RNF169: variants seen among roughly 807,000 people sequenced by gnomAD.
RNF169 encodes the protein ring finger protein 169.
RNF169 carries 24 observed loss-of-function variants against 53.9 expected under a neutral mutation model. The ratio of observed to expected loss-of-function variants is 0.45; its 90% CI spans 0.32 to 0.63. RNF169 has a LOEUF of 0.63. RNF169 is among the 20% of genes least tolerant of loss of function. RNF169 has a pLI of 0.04. For missense variants in RNF169, 883 were observed against 906.2 expected (o/e 0.97, Z 0.33); for synonymous variants, 396 against 363.5 (o/e 1.09, Z -1.02).
At chr11:74,752,992 A>G (rs2034923896) in intron 1 of RNF169, among the ~76,000 whole-genome samples, 1 of 152,098 alleles carries the variant, frequency 6.6e-6, no homozygotes, top group Non-Finnish European at 1.5e-5. Context: ...TTTTTGAGAC[A>G]GAGTCTTGCT....
At chr11:74,768,987 C>T (rs1205041735) in intron 1 of RNF169, among the ~76,000 whole-genome samples, 1 of 152,048 alleles carries the variant, frequency 6.6e-6, no homozygotes, top group African/African-American at 2.4e-5. Context: ...TTTCGGGCTG[C>T]AGTGAGTGCT....
chr11:74,756,675 A>C (rs1295390427), intron 1 of RNF169, among the ~76,000 whole-genome samples: 1 of 152,214 alleles, frequency 6.6e-6, no homozygotes, highest in Non-Finnish European at 1.5e-5. Context: ...ATTTAAAGGC[A>C]TAGGAACATG....
intron 1 of RNF169, among the ~76,000 whole-genome samples, chr11:74,756,815 A>G (rs1022341146): frequency 6.6e-6 from 1 of 152,120 alleles, no homozygotes; most frequent in Non-Finnish European, 1.5e-5. Flanking sequence ...GTGCCATGCT[A>G]AGGAATGAGG....
chr11:74,782,425 A>G (rs757720096), intron 1 of RNF169, among the ~76,000 whole-genome samples: 11 of 152,158 alleles, frequency 7.2e-5, no homozygotes, highest in African/African-American at 1.4e-4. Context: ...CATGAACCCT[A>G]TTGTGAACTG....
intron 1 of RNF169, among the ~76,000 whole-genome samples, chr11:74,754,711 C>T (rs2034953882): frequency 6.6e-6 from 1 of 152,082 alleles, no homozygotes; most frequent in South Asian, 2.1e-4. Flanking sequence ...GTCCCAGCTA[C>T]CGGGAGGCTG....
At chr11:74,789,512 C>CT in intron 1 of RNF169, 114 bp from the exon 2 acceptor site, 1 of 635,220 alleles carries the variant, frequency 1.6e-6, no homozygotes, top group South Asian at 2.1e-5. Context: ...AGCGTTTATT[C>CT]TGTTCTTAGC....
chr11:74,790,159 A>G (rs989947297), intron 2 of RNF169, among the ~76,000 whole-genome samples: 6 of 152,198 alleles, frequency 3.9e-5, no homozygotes, highest in Non-Finnish European at 7.4e-5. Context: ...TTAGAAAACA[A>G]TTACCATTGG....
Position 74,766,723 on chromosome 11 carries a change from G to T in RNF169, c.502+17341G>T, listed in dbSNP as rs116294368. Among the ~76,000 whole-genome samples, 1,347 of 152,178 alleles carry T rather than the reference G, an allele frequency of 8.9e-3. 26 individuals carry two copies. Among genetic ancestry groups the T allele is most frequent in the African/African-American group, 0.031 (1,271 of 41,498 alleles). On this transcript the variant is annotated intron_variant, in intron 1 of 5. Transcript: ENST00000299563. ...TGATCTGTGGTAGTTCATTATACTG[G>T]TTTCTCTAATAATATATTTGAAACT...
chr11:74,835,397 A>T (rs2036237697), intron 5 of RNF169, 149 bp from the exon 6 acceptor site: 9 of 626,694 alleles, frequency 1.4e-5, no homozygotes, highest in African/African-American at 1.3e-4. Flanking sequence ...TTTCTAAGTT[A>T]GGGATTTTCT....
At chr11:74,780,498 A>AG (rs1378859047) in intron 1 of RNF169, among the ~76,000 whole-genome samples, 1 of 152,222 alleles carries the variant, frequency 6.6e-6, no homozygotes, top group Non-Finnish European at 1.5e-5. Context: ...CACCTCCTCC[A>AG]GGAAGCCTTG....
intron 5 of RNF169, 132 bp downstream of exon 5, chr11:74,834,907 A>G (rs2036230678): frequency 6.8e-6 from 4 of 586,248 alleles, no homozygotes; most frequent in Admixed American, 6.6e-5. Flanking sequence ...ATATTGGAGA[A>G]GTCCACAAAC....
intron 1 of RNF169, among the ~76,000 whole-genome samples, chr11:74,786,842 C>T (rs2035510958): frequency 6.6e-6 from 1 of 152,160 alleles, no homozygotes; most frequent in African/African-American, 2.4e-5. Context: ...ATCAGGCTTA[C>T]TGTGTAAAAA....
At chr11:74,778,484 G>A (rs1228196014) in intron 1 of RNF169, among the ~76,000 whole-genome samples, 1 of 152,062 alleles carries the variant, frequency 6.6e-6, no homozygotes, top group Non-Finnish European at 1.5e-5. Flanking sequence ...ACTTAATCTG[G>A]TGATGTTGTG....
chr11:74,785,199 T>TG (rs1565176502), intron 1 of RNF169, among the ~76,000 whole-genome samples: 80 of 116,012 alleles, frequency 6.9e-4, no homozygotes, highest in African/African-American at 3.8e-3. Flanking sequence ...ATATATATGA[T>TG]ATATATATAT....
Position 74,772,727 on chromosome 11 carries a change from G to A in RNF169, c.503-16899G>A, listed in dbSNP as rs576352164. The stretch of plus-strand genomic sequence containing the variant: ...AGGTTTAAATAGGATAATCAATATT[G>A]TTTCATAGTGATATTTAAACAGTAA... On this transcript the variant is annotated intron_variant, in intron 1 of 5. Coordinates refer to ENST00000299563, the MANE Select transcript of RNF169 (RefSeq NM_001098638.2). Among the ~76,000 whole-genome samples the A allele has an allele frequency of 5.8e-4, 88 of 152,166 alleles. 2 individuals are homozygous for A. The highest frequency in any genetic ancestry group is 1.9e-3 in the African/African-American group (79 of 41,504).
chr11:74,813,023 A>C lies in RNF169; in HGVS notation c.723+2693A>C, dbSNP rs568767. 3.1e-3 allele frequency among the ~76,000 whole-genome samples: 476 copies of C among 152,336 alleles called. 13 individuals are homozygous for C. In the East Asian group the frequency reaches 0.044, roughly 14 times the overall value. On this transcript the variant is annotated intron_variant, in intron 3 of 5. Coordinates refer to ENST00000299563, the MANE Select transcript of RNF169 (RefSeq NM_001098638.2). ...TTTTCATCTCATTGAAATGCCATCC[A>C]GCTTACCTGTTGGAAGGTTATTTAT...
At position 74,789,636 on chromosome 11, in the gene RNF169, C is replaced by A; in HGVS notation, c.513C>A (p.Phe171Leu). The A allele has an allele frequency of 6.2e-7, 1 of 1,607,650 alleles. No homozygotes were observed. Among genetic ancestry groups the A allele is most frequent in the Non-Finnish European group, 8.5e-7 (1 of 1,175,078 alleles). Reference sequence around the variant, plus strand: ...TTCCCTTTCTTTCAGACTTTATATTCAGAGCACCAATCAAATTAAGCAAGC... The same window carrying A: ...TTCCCTTTCTTTCAGACTTTATATTAAGAGCACCAATCAAATTAAGCAAGC... ...RAAPAEPDFI[F>L]RAPIKLSKPG... Residue 171 changes from phenylalanine (F) to leucine (L), a missense_variant, in exon 2 of 6, where the codon TTC becomes TTA. By Grantham distance (22) the Phe-to-Leu change is conservative (BLOSUM62 0). Coordinates refer to ENST00000299563, the MANE Select transcript of RNF169 (RefSeq NM_001098638.2).
intron 1 of RNF169, among the ~76,000 whole-genome samples, chr11:74,770,970 T>G (rs2035251208): frequency 6.6e-6 from 1 of 152,106 alleles, no homozygotes; most frequent in Non-Finnish European, 1.5e-5. Context: ...CATGTCTGGC[T>G]AATTTTTTTT....
intron 2 of RNF169, 120 bp from the exon 3 acceptor site, chr11:74,810,064 A>G: frequency 1.2e-6 from 1 of 857,788 alleles, no homozygotes; most frequent in Non-Finnish European, 1.8e-6. Context: ...TATAGCTGAT[A>G]AGAAAAACAG....
Sources: gnomAD v4.1 joint callset for allele counts (sites outside exome capture counted in the v4.1 genomes callset) on GRCh38, gnomAD v4.1.1 for gene constraint, MANE v1.5 for transcripts, NCBI Gene and HGNC (gene_info 2026-07-23, HGNC 2026-07-21) for gene names.